Variants in GPR158 observed in about 807,000 individuals in gnomAD.
GPR158 encodes the protein G protein-coupled receptor 158, also known as metabotropic glycine receptor.
In GPR158, 30 loss-of-function variants were observed where a neutral mutation model predicts 78.2. The ratio of observed to expected loss-of-function variants is 0.38; its 90% CI spans 0.29 to 0.52. The LOEUF is 0.52. Ranked by LOEUF, GPR158 falls within the 20% of genes least tolerant of loss-of-function variation. GPR158 has a pLI of 0.83. For synonymous variants in GPR158, 581 were observed against 591.1 expected, an observed-to-expected ratio of 0.98 and a Z score of 0.25; for missense variants, 1,463 against 1,523.5, an observed-to-expected ratio of 0.96 and a Z score of 0.66.
At chr10:25,402,924 A>G (rs1307592166) in intron 3 of GPR158, among the ~76,000 whole-genome samples, 2 of 151,828 alleles carry the variant, frequency 1.3e-5, no homozygotes, top group African/African-American at 4.8e-5. Flanking sequence ...TTATTTTAAT[A>G]TAAAAATATT....
chr10:25,431,169 A>AC, intron 4 of GPR158, among the ~76,000 whole-genome samples: 1 of 72,842 alleles, frequency 1.4e-5, no homozygotes. Context: ...TTTACAAGAA[A>AC]AAAACAACCC....
Position 25,334,511 on chromosome 10 carries a change from G to T in GPR158, c.1009-61400G>T, listed in dbSNP as rs540424592. On this transcript the variant is annotated intron_variant, in intron 2 of 10. Transcript: ENST00000376351. Reference sequence around the variant, plus strand: ...GAGTCCAAGTAAGTCCAGAATTGCTGTGACAGGTCAGGTTCATTTTTCAGT... The same window carrying T: ...GAGTCCAAGTAAGTCCAGAATTGCTTTGACAGGTCAGGTTCATTTTTCAGT... 3.3e-5 allele frequency among the ~76,000 whole-genome samples: 5 copies of T among 152,140 alleles called. No individual in the cohort carries two copies. The East Asian group carries it at 9.7e-4, about 29-fold the overall frequency.
chr10:25,567,237 G>A (rs1836942239), intron 6 of GPR158, among the ~76,000 whole-genome samples: 1 of 152,086 alleles, frequency 6.6e-6, no homozygotes, highest in South Asian at 2.1e-4. Flanking sequence ...TCTGTCATCG[G>A]CATAATAAAA....
At chr10:25,429,087 G>T (rs1002339195) in intron 4 of GPR158, among the ~76,000 whole-genome samples, 1 of 151,970 alleles carries the variant, frequency 6.6e-6, no homozygotes, top group Non-Finnish European at 1.5e-5. Flanking sequence ...TTCTACAGAG[G>T]ATGAAATACT....
intron 2 of GPR158, among the ~76,000 whole-genome samples, chr10:25,222,888 G>A (rs1853319527): frequency 6.6e-6 from 1 of 152,168 alleles, no homozygotes; most frequent in African/African-American, 2.4e-5. Context: ...GTTTGTTACA[G>A]TTGCTGCTTG....
In GPR158 at chr10:25,594,378, G is replaced by A. The variant is rs201215733; in HGVS notation, c.1979G>A (p.Gly660Glu). ...HTHLTVTVTI[G>E]LLLIPKFSHS... ...CATTTGACTGTGACAGTCACCATTG[G>A]GTTGCTTTTGATTCCAAAGGTATTC... is the stretch of plus-strand genomic sequence containing the variant. The change falls in exon 9 of 11, where the codon GGG becomes GAG. Residue 660 changes from glycine to glutamate, a missense_variant. By Grantham distance (98) the Gly-to-Glu change is moderately conservative. Transcript: ENST00000376351. The A allele has an allele frequency of 6.5e-7, 1 of 1,542,662 alleles. No individual in the cohort carries two copies. The highest frequency in any genetic ancestry group is 8.9e-7 in the Non-Finnish European group (1 of 1,122,156).
chr10:25,318,875 CTGTGGAACACAGGAGAT>C (rs557118414), intron 2 of GPR158, among the ~76,000 whole-genome samples: 1 of 152,276 alleles, frequency 6.6e-6, no homozygotes, highest in South Asian at 2.1e-4. Context: ...ATGTTATTCC[CTGTGGAACACAGGAGAT>C]TGTGTGTCCT....
rs201114968 is a variant in GPR158 at position 25,597,945 on chromosome 10, C to T, written c.2319C>T (p.Asp773=). 6.2e-7 allele frequency: 1 copy of T among 1,613,742 alleles called. No homozygotes were observed. The highest frequency in any genetic ancestry group is 8.5e-7 in the Non-Finnish European group (1 of 1,179,904). Residue 773 remains aspartate, a synonymous_variant, in exon 11 of 11, where the codon GAC becomes GAT. Coordinates refer to ENST00000376351, the MANE Select transcript of GPR158 (RefSeq NM_020752.3). ...ETVSRQCSKE[D]KEGADHGTAK... Reference sequence around the variant, plus strand: ...TCAGCCGGCAGTGCTCTAAAGAGGACAAGGAGGGCGCCGACCATGGCACAG... The same window carrying T: ...TCAGCCGGCAGTGCTCTAAAGAGGATAAGGAGGGCGCCGACCATGGCACAG...
intron 2 of GPR158, among the ~76,000 whole-genome samples, chr10:25,333,023 T>TA (rs1855148632): frequency 6.6e-6 from 1 of 152,174 alleles, no homozygotes; most frequent in East Asian, 1.9e-4. Context: ...GGATCAAGTT[T>TA]AGAGAAATCT....
Position 25,272,903 on chromosome 10 carries a change from C to T in GPR158, c.1008+51746C>T, listed in dbSNP as rs368185335. 1.7e-4 allele frequency among the ~76,000 whole-genome samples: 26 copies of T among 152,298 alleles called. No homozygotes were observed. In the East Asian group the frequency reaches 3.7e-3, roughly 21 times the overall value. ...AGAACTCCTTTGAACCAAGGCTGAG[C>T]TCCTAGAATTATAAGTGAACCCCAT... On this transcript the variant is annotated intron_variant, in intron 2 of 10. Transcript: ENST00000376351.
At chr10:25,446,074 A>T (rs1835135292) in intron 4 of GPR158, among the ~76,000 whole-genome samples, 1 of 151,738 alleles carries the variant, frequency 6.6e-6, no homozygotes, top group Non-Finnish European at 1.5e-5. Context: ...AGAGAGGCAG[A>T]CTCCTATCAT....
chr10:25,252,598 T>TG (rs1853821618), intron 2 of GPR158, among the ~76,000 whole-genome samples: 1 of 151,880 alleles, frequency 6.6e-6, no homozygotes. Context: ...GTGCCCCTGC[T>TG]GGGGGGTGCC....
At chr10:25,266,129 G>A (rs1229451203) in intron 2 of GPR158, among the ~76,000 whole-genome samples, 1 of 152,128 alleles carries the variant, frequency 6.6e-6, no homozygotes, top group Non-Finnish European at 1.5e-5. Flanking sequence ...GTAGCCTTCA[G>A]ATCTCAGCTC....
chr10:25,392,182 C>A (rs1052759747), intron 2 of GPR158, among the ~76,000 whole-genome samples: 1 of 152,134 alleles, frequency 6.6e-6, no homozygotes, highest in Admixed American at 6.5e-5. Context: ...CTAATACAGC[C>A]ATCGAAGCTG....
rs145854267 is a variant in GPR158, at chr10:25,454,514, GGACAGAAAAGGT to G, written c.1336-12132_1336-12121del. 3.7e-3 allele frequency among the ~76,000 whole-genome samples: 562 copies of G among 152,256 alleles called. 20 individuals carry two copies. Among genetic ancestry groups the G allele is most frequent in the Admixed American group, 0.032 (485 of 15,282 alleles). On this transcript the variant is annotated intron_variant, in intron 4 of 10. Transcript: ENST00000376351. Reference sequence around the variant, plus strand: ...TTGAAGAAGGCAAGCCTGGATGAGAGGACAGAAAAGGTGACACGAAGCTATTAGTTGTCTGAA... The same window carrying G: ...TTGAAGAAGGCAAGCCTGGATGAGAGGACACGAAGCTATTAGTTGTCTGAA...
chr10:25,307,822 T>A (rs541545885), intron 2 of GPR158, among the ~76,000 whole-genome samples: 4 of 152,236 alleles, frequency 2.6e-5, no homozygotes, highest in South Asian at 2.1e-4. Context: ...TTTGGCTTTT[T>A]AAAATATTTT....
rs779541090 is a variant in GPR158 at position 25,175,403 on chromosome 10, C to A, written c.-18C>A. ...ATTCCCCCCCCTCCCGTTCCCTCCT[C>A]TTCTCTCTGGGAGGCAGATGGGAGC... is the stretch of plus-strand genomic sequence containing the variant. On this transcript the variant is annotated 5_prime_UTR_variant, in exon 1 of 11. Coordinates refer to ENST00000376351, the MANE Select transcript of GPR158 (RefSeq NM_020752.3). This position sits in a 1 kb window ranked among gnomAD's most constrained non-coding sequence, Gnocchi z 6.4. 1.4e-6 allele frequency: 2 copies of A among 1,477,280 alleles called. No individual in the cohort carries two copies. Among genetic ancestry groups the A allele is most frequent in the African/African-American group, 2.8e-5 (2 of 71,120 alleles). The allele number at this position is 1,477,280 out of a possible 1,614,324, so 91.5% of individuals were successfully genotyped here. A position where few individuals can be genotyped will look rare whatever the true frequency, so the allele number is the denominator to read the frequency against.
chr10:25,197,589 A>G (rs1852859826), intron 1 of GPR158, among the ~76,000 whole-genome samples: 1 of 152,196 alleles, frequency 6.6e-6, no homozygotes, highest in Non-Finnish European at 1.5e-5. Context: ...CACAATTGGC[A>G]TGTTTAATTA....
chr10:25,526,594 A>G (rs749241057), intron 5 of GPR158, among the ~76,000 whole-genome samples: 3 of 152,236 alleles, frequency 2.0e-5, no homozygotes, highest in Non-Finnish European at 4.4e-5. Context: ...AACTGTAAAG[A>G]TATAAAGAGA....
Sources: gnomAD v4.1 joint callset for allele counts (sites outside exome capture counted in the v4.1 genomes callset) on GRCh38, gnomAD v4.1.1 for gene constraint, Gnocchi (gnomAD v3.1) non-coding constraint, MANE v1.5 for transcripts, NCBI Gene and HGNC (gene_info 2026-07-23, HGNC 2026-07-21) for gene names.